The following LPP variants were observed in gnomAD, a reference collection of about 807,000 sequenced individuals.
The protein encoded by LPP is lipoma-preferred partner.
A neutral mutation model predicts 60.4 loss-of-function variants in LPP; 38 were observed. The observed-to-expected ratio is 0.63, with a 90% CI of 0.49 to 0.83. The LOEUF (loss-of-function observed/expected upper bound fraction) is 0.83, where lower values mean the gene tolerates loss of function less well. LPP is among the 40% of genes least tolerant of loss of function. The probability of loss-of-function intolerance (pLI) is 0.00; values close to 1 mark genes in which losing one functional copy is unlikely to be tolerated. For synonymous variants in LPP, 328 were observed against 290.8 expected (o/e 1.13, Z -1.30); for missense variants, 902 against 783.6 (o/e 1.15, Z -1.80).
chr3:188,300,705 A>G (rs968134812), intron 2 of LPP, among the ~76,000 whole-genome samples: 1 of 152,272 alleles, frequency 6.6e-6, no homozygotes, highest in African/African-American at 2.4e-5. Flanking sequence ...TGGTCTCCTG[A>G]ATGTCCTGCG....
chr3:188,275,386 C>T (rs1004167625), intron 2 of LPP, among the ~76,000 whole-genome samples: 8 of 152,066 alleles, frequency 5.3e-5, no homozygotes, highest in African/African-American at 1.9e-4. Flanking sequence ...ATGAGGTCTC[C>T]CCTCCCTCTG....
intron 3 of LPP, among the ~76,000 whole-genome samples, chr3:188,385,697 A>G (rs1228031632): frequency 1.3e-5 from 2 of 152,182 alleles, no homozygotes; most frequent in Non-Finnish European, 2.9e-5. Flanking sequence ...GGCGTTGTGG[A>G]ACATGCTTTA....
chr3:188,843,153 A>G (rs951223890), intron 9 of LPP, among the ~76,000 whole-genome samples: 2 of 152,304 alleles, frequency 1.3e-5, no homozygotes, highest in East Asian at 3.9e-4. Flanking sequence ...AAACATGGGA[A>G]TACATGAACT....
chr3:188,751,881 A>T (rs1577342076), intron 8 of LPP, among the ~76,000 whole-genome samples: 4 of 152,218 alleles, frequency 2.6e-5, no homozygotes, highest in Admixed American at 2.6e-4. Flanking sequence ...AAATTTTTGT[A>T]GGATTAGGAT....
intron 10 of LPP, among the ~76,000 whole-genome samples, chr3:188,870,496 C>T (rs184424286): frequency 6.6e-6 from 1 of 152,214 alleles, no homozygotes; most frequent in East Asian, 1.9e-4. Flanking sequence ...CAAGATCATC[C>T]CTCTCTGAGC....
intron 5 of LPP, among the ~76,000 whole-genome samples, chr3:188,503,066 T>C (rs1398086648): frequency 6.6e-6 from 1 of 151,790 alleles, no homozygotes; most frequent in East Asian, 1.9e-4. Flanking sequence ...TCCTATATAA[T>C]TTTTTTTGTG....
At chr3:188,296,756 C>T (rs1218700580) in intron 2 of LPP, among the ~76,000 whole-genome samples, 1 of 152,184 alleles carries the variant, frequency 6.6e-6, no homozygotes, top group African/African-American at 2.4e-5. Context: ...TCAATAACTC[C>T]CATTTAGGGC....
intron 3 of LPP, among the ~76,000 whole-genome samples, chr3:188,365,790 T>C (rs1770976618): frequency 6.6e-6 from 1 of 152,130 alleles, no homozygotes; most frequent in Non-Finnish European, 1.5e-5. Flanking sequence ...ACAAAAGTTA[T>C]GTATAGTTAA....
intron 4 of LPP, among the ~76,000 whole-genome samples, chr3:188,421,575 T>C (rs1244543215): frequency 1.3e-5 from 2 of 152,126 alleles, no homozygotes; most frequent in Non-Finnish European, 2.9e-5. Flanking sequence ...CATTTAGTGC[T>C]CCCCATAAGC....
intron 2 of LPP, among the ~76,000 whole-genome samples, chr3:188,285,291 G>T (rs1488336210): frequency 6.6e-6 from 1 of 152,212 alleles, no homozygotes; most frequent in African/African-American, 2.4e-5. Flanking sequence ...GCGTTAGAGA[G>T]AGGTGGTAAA....
At chr3:188,660,000 C>G (rs889278038) in intron 7 of LPP, among the ~76,000 whole-genome samples, 1 of 151,946 alleles carries the variant, frequency 6.6e-6, no homozygotes, top group Non-Finnish European at 1.5e-5. Context: ...TTGGTTAGGT[C>G]CTTTAAAGCG....
chr3:188,701,031 A>G (rs1387927632), intron 7 of LPP, among the ~76,000 whole-genome samples: 1 of 152,266 alleles, frequency 6.6e-6, no homozygotes, highest in East Asian at 1.9e-4. Flanking sequence ...AACTAAGATT[A>G]AAGATATTCT....
intron 1 of LPP, among the ~76,000 whole-genome samples, chr3:188,220,215 C>T (rs1715256465): frequency 2.0e-5 from 3 of 152,072 alleles, no homozygotes; most frequent in Non-Finnish European, 4.4e-5. Flanking sequence ...GGTGAGGTCA[C>T]GTAAATCTGG....
intron 7 of LPP, among the ~76,000 whole-genome samples, chr3:188,692,606 T>G (rs1014922945): frequency 3.9e-5 from 6 of 152,340 alleles, no homozygotes; most frequent in Admixed American, 3.3e-4. Flanking sequence ...TAAAACATTT[T>G]ACTTCGGATT....
chr3:188,303,911 C>A (rs1366860795), intron 2 of LPP, among the ~76,000 whole-genome samples: 1 of 152,096 alleles, frequency 6.6e-6, no homozygotes, highest in Non-Finnish European at 1.5e-5. Flanking sequence ...TCTCACTTTT[C>A]TTAGTAAAAG....
At chr3:188,433,009 A>C (rs1791329155) in intron 4 of LPP, among the ~76,000 whole-genome samples, 1 of 152,160 alleles carries the variant, frequency 6.6e-6, no homozygotes, top group African/African-American at 2.4e-5. Flanking sequence ...GGCTATGTAC[A>C]CCAGAAAAAC....
chr3:188,467,461 T>G (rs949775287), intron 4 of LPP, among the ~76,000 whole-genome samples: 1 of 152,068 alleles, frequency 6.6e-6, no homozygotes, highest in Non-Finnish European at 1.5e-5. Context: ...TCCCTTCTTA[T>G]GGTATGTTGT....
chr3:188,866,062 G>C (rs1766505736), intron 9 of LPP, 138 bp from the exon 10 acceptor site: 1 of 549,578 alleles, frequency 1.8e-6, no homozygotes, highest in South Asian at 6.5e-5. Context: ...CTGTAGATGT[G>C]GTTTGTAAAT....
At chr3:188,330,188 A>G (rs189347810) in intron 2 of LPP, among the ~76,000 whole-genome samples, 217 of 152,344 alleles carry the variant, frequency 1.4e-3, no homozygotes, top group Non-Finnish European at 2.9e-3. Flanking sequence ...GTATTGAAGA[A>G]TGCTGAGAAA....
Sources: gnomAD v4.1 joint callset for allele counts (sites outside exome capture counted in the v4.1 genomes callset) on GRCh38, gnomAD v4.1.1 for gene constraint, MANE v1.5 for transcripts, NCBI Gene and HGNC (gene_info 2026-07-23, HGNC 2026-07-21) for gene names.